Variants in SLC12A8 observed in about 807,000 individuals in gnomAD.
The protein encoded by SLC12A8 is solute carrier family 12 member 8.
A neutral mutation model predicts 75.6 loss-of-function variants in SLC12A8; 69 were observed. The observed-to-expected ratio is 0.91, with a 90% confidence interval of 0.75 to 1.11. SLC12A8 has a LOEUF of 1.11. Among genes scored for constraint, SLC12A8 ranks in the 50% most tolerant of loss-of-function variants. The pLI is 0.00. For missense variants in SLC12A8, 877 were observed against 896.7 expected (o/e 0.98, Z 0.28); for synonymous variants, 365 against 372.8 (o/e 0.98, Z 0.24).
At chr3:125,106,748 G>GGA (rs1256020092) in intron 10 of SLC12A8, among the ~76,000 whole-genome samples, 2 of 152,174 alleles carry the variant, frequency 1.3e-5, no homozygotes, top group Middle Eastern at 6.3e-3. Context: ...ATAATGTAGA[G>GGA]GAAAGTACAT....
chr3:125,177,860 G>C lies in SLC12A8; in HGVS notation c.505C>G (p.Leu169Val). Residue 169 changes from leucine to valine, a missense_variant, in exon 5 of 14, where the codon CTG becomes GTG. Coordinates refer to ENST00000469902, the MANE Select transcript of SLC12A8 (RefSeq NM_024628.6). ...TTGACACCTGCGAGGTTAATGCCCA[G>C]CAAGGCCAGAAGCACCGCAACTGAA... ...GISVAVLLALLGINLAGVKWI... is the reference protein window; with the variant it reads ...GISVAVLLALVGINLAGVKWI... 1 of 1,614,194 alleles carries C rather than the reference G, an allele frequency of 6.2e-7. No individual in the cohort carries two copies. Among genetic ancestry groups the C allele is most frequent in the Non-Finnish European group, 8.5e-7 (1 of 1,180,040 alleles).
intron 5 of SLC12A8, among the ~76,000 whole-genome samples, chr3:125,164,512 A>T (rs1934245345): frequency 6.6e-6 from 1 of 152,178 alleles, no homozygotes; most frequent in Admixed American, 6.5e-5. Flanking sequence ...CCCTCAGCTG[A>T]GTGCAGGTCG....
intron 3 of SLC12A8, among the ~76,000 whole-genome samples, chr3:125,188,121 G>T (rs539832386): frequency 6.6e-6 from 1 of 152,146 alleles, no homozygotes; most frequent in Non-Finnish European, 1.5e-5. Context: ...TGGACCCCTC[G>T]TGAATGGCTT....
intron 8 of SLC12A8, among the ~76,000 whole-genome samples, chr3:125,110,885 C>T (rs1477944012): frequency 1.3e-5 from 2 of 152,170 alleles, no homozygotes; most frequent in Non-Finnish European, 2.9e-5. Flanking sequence ...ATATAAGGCT[C>T]TTCATGGTCT....
In SLC12A8 at chr3:125,083,290, G is replaced by A. The variant is rs1938374491; in HGVS notation, c.*600C>T. 1 of 152,366 alleles carries A rather than the reference G, an allele frequency of 6.6e-6. No homozygotes were observed. The highest frequency in any genetic ancestry group is 2.4e-5 in the African/African-American group (1 of 41,432). 9.4% of individuals were successfully genotyped at this position (152,366 alleles called of 1,614,324 possible). On this transcript the variant is annotated 3_prime_UTR_variant, in exon 14 of 14. Coordinates refer to ENST00000469902, the MANE Select transcript of SLC12A8 (RefSeq NM_024628.6). ...GTCTTGGTGTCCCCTGCTAGTCTTA[G>A]TACCTGTATAGAGCTCTTCAGACTG...
intron 6 of SLC12A8, 31 bp downstream of exon 6, chr3:125,135,638 T>C (rs766254528): frequency 1.4e-5 from 20 of 1,451,416 alleles, no homozygotes; most frequent in Non-Finnish European, 1.9e-5. Flanking sequence ...ACCCCTAATT[T>C]GAGAGTAAAA....
At chr3:125,160,159 GT>G (rs1346551198) in intron 5 of SLC12A8, among the ~76,000 whole-genome samples, 1 of 151,956 alleles carries the variant, frequency 6.6e-6, no homozygotes, top group Non-Finnish European at 1.5e-5. Context: ...GCCTAGGCTG[GT>G]CTCGAACTCC....
chr3:125,185,333 C>A (rs1257330566), intron 4 of SLC12A8, among the ~76,000 whole-genome samples: 11 of 138,878 alleles, frequency 7.9e-5, no homozygotes, highest in Non-Finnish European at 1.3e-4. Flanking sequence ...AAACAAAAAA[C>A]AAAAAACAAA....
At chr3:125,166,310 T>C (rs1286208072) in intron 5 of SLC12A8, among the ~76,000 whole-genome samples, 2 of 114,010 alleles carry the variant, frequency 1.8e-5, no homozygotes, top group Admixed American at 1.0e-4. Flanking sequence ...CCTCACCCCA[T>C]ACCCCACCCC....
chr3:125,176,504 C>A lies in SLC12A8; in HGVS notation c.622+1239G>T, dbSNP rs549686507. 3.2e-4 allele frequency among the ~76,000 whole-genome samples: 49 copies of A among 152,176 alleles called. 2 individuals carry two copies. The highest frequency in any genetic ancestry group is 1.0e-4 in the Non-Finnish European group (7 of 68,044). The stretch of plus-strand genomic sequence containing the variant: ...TACAATTAAACTAAAGGCTTCTGCA[C>A]AGCAAAAGAAACCACCATCAGAGTG... On this transcript the variant is annotated intron_variant, in intron 5 of 13. Coordinates refer to ENST00000469902, the MANE Select transcript of SLC12A8 (RefSeq NM_024628.6).
chr3:125,158,251 C>T (rs1446366460), intron 5 of SLC12A8, among the ~76,000 whole-genome samples: 2 of 151,422 alleles, frequency 1.3e-5, no homozygotes, highest in African/African-American at 4.9e-5. Context: ...GACAGAGTCT[C>T]GCTCTGTCAC....
intron 2 of SLC12A8, among the ~76,000 whole-genome samples, chr3:125,199,859 TA>T (rs796436267): frequency 2.0e-5 from 3 of 152,134 alleles, no homozygotes; most frequent in African/African-American, 7.2e-5. Context: ...AAGCAACTAT[TA>T]AAAAATGGAA....
rs368505919 is a variant in SLC12A8, at chr3:125,103,079, C to T, written c.1705+4402G>A. On this transcript the variant is annotated intron_variant, in intron 10 of 13. Transcript: ENST00000469902. ...TTGCCCAATTCCCTCCTCAAGGGGG[C>T]TTTCCTTTGAAACAATCAAGCCAGA... 9.1e-4 allele frequency among the ~76,000 whole-genome samples: 138 copies of T among 152,306 alleles called. 1 individual carries two copies. Among genetic ancestry groups the T allele is most frequent in the African/African-American group, 3.2e-3 (132 of 41,570 alleles).
At chr3:125,195,126 A>G (rs1934981618) in intron 2 of SLC12A8, among the ~76,000 whole-genome samples, 1 of 152,268 alleles carries the variant, frequency 6.6e-6, no homozygotes, top group Admixed American at 6.5e-5. Context: ...TTTTAAATAT[A>G]CATGAGGATT....
intron 5 of SLC12A8, among the ~76,000 whole-genome samples, chr3:125,156,021 A>G (rs1420449978): frequency 2.0e-5 from 3 of 152,094 alleles, no homozygotes; most frequent in Admixed American, 2.0e-4. Flanking sequence ...CGTGATTTTC[A>G]CATGCAAATG....
At chr3:125,208,791 C>CAGAGAG (rs1287670719) in intron 2 of SLC12A8, among the ~76,000 whole-genome samples, 8 of 84,224 alleles carry the variant, frequency 9.5e-5, no homozygotes, top group South Asian at 4.9e-4. Flanking sequence ...CACACACACA[C>CAGAGAG]AGAGAGAGAG....
At position 125,120,743 on chromosome 3, in the gene SLC12A8, C is replaced by T. The variant is rs368281490; in HGVS notation, c.737-57G>A. On this transcript the variant is annotated intron_variant, in intron 6 of 13. Transcript: ENST00000469902. ...GCAGCCTCCTCCACGCATCGCCTTC[C>T]CCAGGGCTGCCCCTTCCTCTCCTGC... 6.1e-3 allele frequency: 7,894 copies of T among 1,304,070 alleles called. 30 individuals carry two copies. Among genetic ancestry groups the T allele is most frequent in the Non-Finnish European group, 6.9e-3 (6,313 of 911,622 alleles). The allele number at this position is 1,304,070 out of a possible 1,614,324, so 80.8% of individuals were successfully genotyped here. A position where few individuals can be genotyped will look rare whatever the true frequency, so the allele number is the denominator to read the frequency against.
At chr3:125,138,205 C>T (rs1328882503) in intron 5 of SLC12A8, among the ~76,000 whole-genome samples, 1 of 152,038 alleles carries the variant, frequency 6.6e-6, no homozygotes, top group Non-Finnish European at 1.5e-5. Flanking sequence ...AGTTTGAAAC[C>T]AGCCTGGCCA....
At chr3:125,115,939 G>T (rs557947990) in intron 8 of SLC12A8, among the ~76,000 whole-genome samples, 1 of 152,184 alleles carries the variant, frequency 6.6e-6, no homozygotes, top group African/African-American at 2.4e-5. Context: ...CAGGGTGGCC[G>T]GTTGTGTCAA....
Sources: gnomAD v4.1 joint callset for allele counts (sites outside exome capture counted in the v4.1 genomes callset) on GRCh38, gnomAD v4.1.1 for gene constraint, MANE v1.5 for transcripts, NCBI Gene and HGNC (gene_info 2026-07-23, HGNC 2026-07-21) for gene names.